The following CSE1L variants were observed in gnomAD, a reference collection of about 807,000 sequenced individuals.
CSE1L encodes chromosome segregation 1 like, also known as exportin-2.
CSE1L carries 24 observed loss-of-function variants against 120.4 expected under a neutral mutation model. The observed-to-expected ratio is 0.20, with a 90% CI of 0.14 to 0.28. The LOEUF (loss-of-function observed/expected upper bound fraction) is 0.28. CSE1L is among the 10% of genes least tolerant of loss of function. The pLI is 1.00. For missense variants in CSE1L, 830 were observed against 1,145.2 expected, an observed-to-expected ratio of 0.72 and a Z score of 3.97; for synonymous variants, 402 against 398.3, an observed-to-expected ratio of 1.01 and a Z score of -0.11.
At chr20:49,091,058 T>A (rs1185831166) in intron 21 of CSE1L, 36 bp downstream of exon 21, 3 of 1,318,550 alleles carry the variant, frequency 2.3e-6, no homozygotes, top group East Asian at 2.3e-5. Context: ...ACAGAAGTAA[T>A]GAAAGAAGGT....
chr20:49,083,685 G>T (rs1025696566), intron 14 of CSE1L, among the ~76,000 whole-genome samples: 2 of 152,116 alleles, frequency 1.3e-5, no homozygotes, highest in East Asian at 1.9e-4. Context: ...ACACAAAAAG[G>T]TTAAATAACT....
chr20:49,078,807 A>G (rs2091988630), intron 14 of CSE1L, among the ~76,000 whole-genome samples, 185 bp downstream of exon 14: 1 of 152,318 alleles, frequency 6.6e-6, no homozygotes. Context: ...AATAATAGTA[A>G]TAGAATTGGG....
chr20:49,089,252 A>G lies in CSE1L; in HGVS notation c.1827A>G (p.Pro609=), dbSNP rs2092083152. Residue 609 remains proline, a synonymous_variant, in exon 18 of 25, where the codon CCA becomes CCG. Coordinates refer to ENST00000262982, the MANE Select transcript of CSE1L (RefSeq NM_001316.4). ...TTTTTTTTTTTTAATTTCAGAACCC[A>G]AGCAAACCTCACTTTAATCACTACA... ...TQKLLAVSKN[P]SKPHFNHYMF... 6.3e-7 allele frequency: 1 copy of G among 1,575,112 alleles called. No individual in the cohort carries two copies. Among genetic ancestry groups the G allele is most frequent in the African/African-American group, 1.4e-5 (1 of 72,512 alleles).
Position 49,058,452 on chromosome 20 carries a change from G to A in CSE1L, c.-11-1G>A. On this transcript the variant is annotated splice_acceptor_variant, in intron 1 of 24. Coordinates refer to ENST00000262982, the MANE Select transcript of CSE1L (RefSeq NM_001316.4). LOFTEE classifies it low-confidence loss of function (5UTR_SPLICE). ...TATCCAAACCTTATTTTATATTTTA[G>A]ATCCTATAGCAATGGAACTCAGCGA... 6.3e-7 allele frequency: 1 copy of A among 1,594,928 alleles called. No individual in the cohort carries two copies. Among genetic ancestry groups the A allele is most frequent in the Non-Finnish European group, 8.6e-7 (1 of 1,168,698 alleles).
intron 13 of CSE1L, among the ~76,000 whole-genome samples, chr20:49,077,425 G>A (rs573744040): frequency 2.0e-5 from 3 of 152,280 alleles, no homozygotes; most frequent in East Asian, 3.9e-4. Flanking sequence ...CTGCCAAAGT[G>A]CTGGGATTGC....
chr20:49,080,783 T>C (rs1052443594), intron 14 of CSE1L, among the ~76,000 whole-genome samples: 1 of 151,970 alleles, frequency 6.6e-6, no homozygotes, highest in African/African-American at 2.4e-5. Context: ...GCCTTATTCA[T>C]TTATTTTTGA....
chr20:49,072,845 T>C (rs1376453297), intron 10 of CSE1L, 148 bp downstream of exon 10: 12 of 863,762 alleles, frequency 1.4e-5, no homozygotes, highest in Non-Finnish European at 1.8e-5. Context: ...ATGTAGTATC[T>C]GTAATGAGTT....
At chr20:49,081,475 T>C (rs2092012606) in intron 14 of CSE1L, among the ~76,000 whole-genome samples, 1 of 152,182 alleles carries the variant, frequency 6.6e-6, no homozygotes, top group Non-Finnish European at 1.5e-5. Flanking sequence ...AAAAAATCAA[T>C]TGAGAAAAAT....
chr20:49,062,676 G>A (rs935161854), intron 2 of CSE1L, among the ~76,000 whole-genome samples: 23 of 151,954 alleles, frequency 1.5e-4, no homozygotes, highest in Non-Finnish European at 3.2e-4. Context: ...TTTTTTAAAT[G>A]CTATCTACTT....
rs781667950 is a variant in CSE1L, at chr20:49,089,320, C to G, written c.1895C>G (p.Ala632Gly). ...TTATCCATAAGAATAACTTGCAAAG[C>G]TAACCCTGCTGCTGTTGTAAATTTT... The part of the protein sequence containing the change: ...ICLSIRITCK[A>G]NPAAVVNFEE... The change falls in exon 18 of 25, where the codon GCT becomes GGT. Residue 632 changes from alanine to glycine, a missense_variant. By Grantham distance (60) the Ala-to-Gly change is moderately conservative. This residue lies in a region of CSE1L where 168 missense variants were observed against 267.9 expected (regional missense o/e 0.63). Coordinates refer to ENST00000262982, the MANE Select transcript of CSE1L (RefSeq NM_001316.4). 6.2e-7 allele frequency: 1 copy of G among 1,613,202 alleles called. No homozygotes were observed. Among genetic ancestry groups the G allele is most frequent in the Non-Finnish European group, 8.5e-7 (1 of 1,179,760 alleles).
At chr20:49,056,556 A>G (rs1434632174) in intron 1 of CSE1L, among the ~76,000 whole-genome samples, 3 of 152,184 alleles carry the variant, frequency 2.0e-5, no homozygotes, top group African/African-American at 7.2e-5. Context: ...AAGTTCCCTC[A>G]GTTTGCACCT....
intron 3 of CSE1L, among the ~76,000 whole-genome samples, chr20:49,064,749 G>A (rs1184709551): frequency 1.3e-5 from 2 of 151,518 alleles, no homozygotes; most frequent in Non-Finnish European, 2.9e-5. Context: ...ATCTCTACTG[G>A]TAGACATGCC....
intron 16 of CSE1L, 37 bp from the exon 17 acceptor site, chr20:49,087,971 TA>T: frequency 7.3e-7 from 1 of 1,361,698 alleles, no homozygotes. Flanking sequence ...GAAGTTTAAC[TA>T]AACTCTATTT....
chr20:49,085,473 A>T, intron 16 of CSE1L, 87 bp downstream of exon 16: 1 of 858,578 alleles, frequency 1.2e-6, no homozygotes, highest in Non-Finnish European at 1.9e-6. Flanking sequence ...CAGGTTATAC[A>T]GTCTATGAAC....
rs750584258 is a variant in CSE1L at position 49,072,504 on chromosome 20, C to T, written c.936+51C>T. On this transcript the variant is annotated intron_variant, in intron 9 of 24. Transcript: ENST00000262982. ...TTAAAAGACATTCTCTCCCTATCTC[C>T]TCCAAGAAATAAGCTGTTGAGTTTT... 3.1e-6 allele frequency: 5 copies of T among 1,606,314 alleles called. No homozygotes were observed. The East Asian group carries it at 1.1e-4, about 36-fold the overall frequency.
intron 3 of CSE1L, among the ~76,000 whole-genome samples, chr20:49,064,143 T>G (rs1240667940): frequency 1.3e-5 from 2 of 152,186 alleles, no homozygotes; most frequent in Admixed American, 6.6e-5. Context: ...ATGCACAAGA[T>G]AGCTTTCCAC....
At chr20:49,048,890 C>T (rs2091743029) in intron 1 of CSE1L, among the ~76,000 whole-genome samples, 1 of 152,154 alleles carries the variant, frequency 6.6e-6, no homozygotes, top group African/African-American at 2.4e-5. Context: ...GGGAATGGTT[C>T]TCTAATGTGT....
chr20:49,067,106 T>A, intron 5 of CSE1L, 84 bp from the exon 6 acceptor site: 1 of 652,254 alleles, frequency 1.5e-6, no homozygotes, highest in Non-Finnish European at 2.7e-6. Context: ...TTCATAGATG[T>A]CCAATCAGCA....
chr20:49,074,310 G>A (rs958239475), intron 10 of CSE1L, among the ~76,000 whole-genome samples: 3 of 150,370 alleles, frequency 2.0e-5, no homozygotes, highest in Admixed American at 6.6e-5. Context: ...GGGCTCAAGC[G>A]ATCCTCCCAT....
Sources: allele counts gnomAD v4.1 joint callset (sites outside exome capture counted in the v4.1 genomes callset), GRCh38; gene constraint gnomAD v4.1.1; regional missense constraint gnomAD v4.1.1; transcripts MANE v1.5; gene names NCBI Gene and HGNC (gene_info 2026-07-23, HGNC 2026-07-21).